ANKFN1: variants seen among roughly 807,000 people sequenced by gnomAD.
ANKFN1 encodes the protein ankyrin repeat and fibronectin type-III domain-containing protein 1.
Under a neutral mutation model 108.7 loss-of-function variants are expected in ANKFN1, and 74 were observed. The observed-to-expected ratio is 0.68, with a 90% CI of 0.56 to 0.83. The LOEUF (loss-of-function observed/expected upper bound fraction) is 0.83. ANKFN1 is among the 40% of genes least tolerant of loss of function. ANKFN1 has a pLI of 0.00. For missense variants in ANKFN1, 1,505 were observed against 1,382.3 expected (o/e 1.09, Z -1.41); for synonymous variants, 547 against 516.2 (o/e 1.06, Z -0.81).
intron 8 of ANKFN1, among the ~76,000 whole-genome samples, chr17:56,402,629 C>T (rs2047796084): frequency 6.6e-6 from 1 of 151,870 alleles, no homozygotes; most frequent in South Asian, 2.1e-4. Context: ...TTTATTTTTT[C>T]AAAGAACCAG....
chr17:56,348,825 A>G (rs1040492149), intron 4 of ANKFN1, among the ~76,000 whole-genome samples: 5 of 152,184 alleles, frequency 3.3e-5, no homozygotes, highest in Admixed American at 2.6e-4. Flanking sequence ...TGTGGAAGAC[A>G]GTATGGTGAT....
intron 4 of ANKFN1, among the ~76,000 whole-genome samples, chr17:56,120,554 G>T: frequency 6.6e-6 from 1 of 152,096 alleles, no homozygotes; most frequent in East Asian, 1.9e-4. Flanking sequence ...TCCTACCCAG[G>T]AAAAATGCCC....
rs2051720732 is a variant in ANKFN1 at position 56,510,674 on chromosome 17, T to C, written c.2846T>C (p.Leu949Pro). Residue 949 changes from leucine to proline, a missense_variant, in exon 21 of 21, where the codon CTG becomes CCG. By Grantham distance (98) the Leu-to-Pro change is moderately conservative (BLOSUM62 -3). Transcript: ENST00000682825. ...CAAGTGCACGACGTGAAAACCCCTCTGGGGCCGGGCCAGGATCCCCAGGGC... is the reference window on the plus strand; with the variant it reads ...CAAGTGCACGACGTGAAAACCCCTCCGGGGCCGGGCCAGGATCCCCAGGGC... ...VLQVHDVKTP[L>P]GPGQDPQGEG... 1 of 1,536,132 alleles carries C rather than the reference T, an allele frequency of 6.5e-7. No homozygotes were observed. The highest frequency in any genetic ancestry group is 8.7e-7 in the Non-Finnish European group (1 of 1,146,904).
intron 6 of ANKFN1, among the ~76,000 whole-genome samples, chr17:56,363,947 G>A (rs1417589479): frequency 6.6e-6 from 1 of 152,118 alleles, no homozygotes; most frequent in Non-Finnish European, 1.5e-5. Context: ...GGACAATGGG[G>A]AGATGACAGT....
intron 15 of ANKFN1, among the ~76,000 whole-genome samples, chr17:56,467,781 A>AAGAAAGAAAGAAAGAAAG (rs1568026081): frequency 2.2e-4 from 5 of 22,438 alleles, no homozygotes; most frequent in African/African-American, 4.5e-4. Context: ...GAAAGAAAGA[A>AAGAAAGAAAGAAAGAAAG]AGAAAGAAAG....
chr17:56,408,460 C>T (rs894924590), intron 8 of ANKFN1, among the ~76,000 whole-genome samples: 5 of 151,922 alleles, frequency 3.3e-5, no homozygotes, highest in Non-Finnish European at 7.4e-5. Flanking sequence ...GATATAGACA[C>T]CTGTGAAAAT....
intron 3 of ANKFN1, among the ~76,000 whole-genome samples, chr17:56,261,716 G>A (rs151301022): frequency 7.2e-5 from 11 of 152,272 alleles, no homozygotes; most frequent in Admixed American, 1.3e-4. Context: ...GTCCTTCCAC[G>A]TTCTTCTGCC....
intron 4 of ANKFN1, among the ~76,000 whole-genome samples, chr17:56,109,575 T>A (rs1421423485): frequency 6.6e-6 from 1 of 151,660 alleles, no homozygotes; most frequent in Non-Finnish European, 1.5e-5. Context: ...ATCAGAACAA[T>A]CAGAATGGCT....
At chr17:56,390,021 T>C (rs1208516956) in intron 8 of ANKFN1, among the ~76,000 whole-genome samples, 2 of 152,134 alleles carry the variant, frequency 1.3e-5, no homozygotes, top group African/African-American at 4.8e-5. Context: ...CATTTTCTTT[T>C]TTTTTTATTT....
intron 15 of ANKFN1, among the ~76,000 whole-genome samples, chr17:56,474,295 C>A (rs1183447453): frequency 6.6e-6 from 1 of 152,180 alleles, no homozygotes; most frequent in Non-Finnish European, 1.5e-5. Flanking sequence ...GCAACGTAGT[C>A]CAGATTCTAC....
At chr17:56,099,784 ATGGAGG>A (rs1221224641) in intron 4 of ANKFN1, among the ~76,000 whole-genome samples, 1 of 152,228 alleles carries the variant, frequency 6.6e-6, no homozygotes, top group Non-Finnish European at 1.5e-5. Context: ...TAGGGTAATG[ATGGAGG>A]TGGAAACTGT....
chr17:56,101,444 A>G (rs150484498), intron 4 of ANKFN1, among the ~76,000 whole-genome samples: 57 of 152,318 alleles, frequency 3.7e-4, no homozygotes, highest in African/African-American at 1.3e-3. Flanking sequence ...AAAAGCCATG[A>G]TTGTTAGGTC....
intron 19 of ANKFN1, among the ~76,000 whole-genome samples, chr17:56,493,941 G>T (rs1017583034): frequency 2.0e-5 from 3 of 152,094 alleles, no homozygotes; most frequent in Non-Finnish European, 4.4e-5. Flanking sequence ...CTGTAAAATA[G>T]GGATGATAAT....
intron 15 of ANKFN1, among the ~76,000 whole-genome samples, chr17:56,476,626 C>G (rs555371067): frequency 2.0e-5 from 3 of 152,286 alleles, no homozygotes; most frequent in Non-Finnish European, 4.4e-5. Flanking sequence ...AAGCCACTGA[C>G]AACTGAGAAT....
intron 3 of ANKFN1, among the ~76,000 whole-genome samples, chr17:56,300,079 T>G (rs2044630201): frequency 6.6e-6 from 1 of 152,216 alleles, no homozygotes; most frequent in Admixed American, 6.5e-5. Flanking sequence ...AGTTTAGACC[T>G]CATGGAGCTC....
Position 56,482,373 on chromosome 17 carries a change from C to A in ANKFN1, c.2109C>A (p.Leu703=). 1 of 1,607,500 alleles carries A rather than the reference C, an allele frequency of 6.2e-7. No homozygotes were observed. The highest frequency in any genetic ancestry group is 8.5e-7 in the Non-Finnish European group (1 of 1,176,932). Residue 703 remains leucine, a synonymous_variant, in exon 18 of 21, where the codon CTC becomes CTA. Transcript: ENST00000682825. ...IPLHQARNFR[L]YTQEVLEMGH... ...CTCTGCAGGCAAGGAACTTCCGCCT[C>A]TACACACAGGAGGTGTTGGAAATGG...
At chr17:56,262,769 A>G (rs1213687482) in intron 3 of ANKFN1, among the ~76,000 whole-genome samples, 2 of 152,210 alleles carry the variant, frequency 1.3e-5, no homozygotes, top group African/African-American at 4.8e-5. Flanking sequence ...CCATTTCAAA[A>G]CAACCTGTGA....
At chr17:56,048,087 T>C (rs1904711252) in intron 4 of ANKFN1, among the ~76,000 whole-genome samples, 1 of 151,808 alleles carries the variant, frequency 6.6e-6, no homozygotes, top group Non-Finnish European at 1.5e-5. Flanking sequence ...TATTTGTATT[T>C]GTTTTGCTTT....
chr17:56,272,466 G>A (rs963773426), intron 3 of ANKFN1, among the ~76,000 whole-genome samples: 3 of 152,080 alleles, frequency 2.0e-5, no homozygotes, highest in Non-Finnish European at 4.4e-5. Flanking sequence ...GTTAGCATAA[G>A]GTCCCCAAAG....
Sources: allele counts gnomAD v4.1 joint callset (sites outside exome capture counted in the v4.1 genomes callset), GRCh38; gene constraint gnomAD v4.1.1; transcripts MANE v1.5; gene names NCBI Gene and HGNC (gene_info 2026-07-23, HGNC 2026-07-21).